BBS5: variants seen among roughly 807,000 people sequenced by gnomAD.
The protein encoded by BBS5 is Bardet-Biedl syndrome 5, also known as BBSome complex member BBS5.
In BBS5, 39 loss-of-function variants were observed where a neutral mutation model predicts 50.2. That is an observed-to-expected ratio of 0.78 (90% CI 0.60 to 1.01). The LOEUF (loss-of-function observed/expected upper bound fraction) is 1.01. Ranked by LOEUF, BBS5 falls within the 50% of genes least tolerant of loss-of-function variation. The probability of loss-of-function intolerance (pLI) is 0.00; values close to 1 mark genes in which losing one functional copy is unlikely to be tolerated. For missense variants in BBS5, 356 were observed against 401.5 expected (o/e 0.89, Z 0.97); for synonymous variants, 134 against 133.1 (o/e 1.01, Z -0.05).
chr2:169,491,584 T>A (rs1574338927), intron 5 of BBS5, among the ~76,000 whole-genome samples: 1 of 152,348 alleles, frequency 6.6e-6, no homozygotes, highest in East Asian at 1.9e-4. Flanking sequence ...TTCTGTATTA[T>A]CAATAGACAT....
At chr2:169,487,216 G>A in intron 3 of BBS5, 82 bp downstream of exon 3, 7 of 893,802 alleles carry the variant, frequency 7.8e-6, no homozygotes, top group Non-Finnish European at 5.6e-6. Flanking sequence ...TACCAAAGAA[G>A]TATGTAGAAA....
intron 8 of BBS5, among the ~76,000 whole-genome samples, chr2:169,498,691 G>T (rs556295440): frequency 6.6e-6 from 1 of 151,956 alleles, no homozygotes; most frequent in South Asian, 2.1e-4. Flanking sequence ...TGTAGTCCCA[G>T]CTACTCCGGA....
rs1683877506 is a variant in BBS5 at position 169,504,926 on chromosome 2, T to C, written c.*344T>C. 2.5e-6 allele frequency: 4 copies of C among 1,613,486 alleles called. No homozygotes were observed. The highest frequency in any genetic ancestry group is 3.4e-6 in the Non-Finnish European group (4 of 1,179,920). On this transcript the variant is annotated 3_prime_UTR_variant, in exon 12 of 12. Transcript: ENST00000295240. ...AGCCAATGGGGACGTTGCGGCCCAG[T>C]GGGTGGAGGTCCAAAGAGGACTGGT...
chr2:169,505,377 C>T lies in BBS5; in HGVS notation c.*795C>T, dbSNP rs1300102750. On this transcript the variant is annotated 3_prime_UTR_variant, in exon 12 of 12. Coordinates refer to ENST00000295240, the MANE Select transcript of BBS5 (RefSeq NM_152384.3). ...AGTGCAGCCTCTGCCCGGCCGCCACCCCGTCTGGGAAGTGAGGAGCGTCTC... is the reference window on the plus strand; with the variant it reads ...AGTGCAGCCTCTGCCCGGCCGCCACTCCGTCTGGGAAGTGAGGAGCGTCTC... The T allele has an allele frequency of 1.4e-5, 5 of 349,416 alleles. No individual in the cohort carries two copies. The highest frequency in any genetic ancestry group is 2.8e-5 in the Non-Finnish European group (5 of 181,320). 21.6% of individuals were successfully genotyped at this position (349,416 alleles called of 1,614,324 possible).
At chr2:169,480,576 G>A (rs1279498057) in intron 1 of BBS5, among the ~76,000 whole-genome samples, 2 of 149,612 alleles carry the variant, frequency 1.3e-5, no homozygotes, top group Non-Finnish European at 3.0e-5. Context: ...ATGCTAACAT[G>A]TTAGACCCTT....
intron 7 of BBS5, 152 bp from the exon 8 acceptor site, chr2:169,497,475 G>C: frequency 1.8e-6 from 1 of 556,478 alleles, no homozygotes; most frequent in Non-Finnish European, 3.3e-6. Flanking sequence ...TCTTTTACTT[G>C]ATCTCTGTGG....
chr2:169,496,862 C>A (rs1158156236), intron 7 of BBS5, among the ~76,000 whole-genome samples: 1 of 151,594 alleles, frequency 6.6e-6, no homozygotes, highest in Non-Finnish European at 1.5e-5. Context: ...GAGCGAGACT[C>A]CGTCTCAAAA....
chr2:169,492,948 T>C lies in BBS5; in HGVS notation c.461T>C (p.Leu154Pro). 3.7e-6 allele frequency: 6 copies of C among 1,613,020 alleles called. No homozygotes were observed. The highest frequency in any genetic ancestry group is 5.1e-6 in the Non-Finnish European group (6 of 1,179,136). ...SALIQNKQLR[L>P]LPQEHVYDKI... ...CTAATTCAGAACAAGCAACTAAGAC[T>C]GTTGCCACAAGAACATGTATATGAT... is the stretch of plus-strand genomic sequence containing the variant. Residue 154 changes from leucine to proline, a missense_variant, in exon 6 of 12, where the codon CTG (leucine) becomes CCG (proline). Leu to Pro is a moderately conservative substitution (Grantham distance 98, BLOSUM62 -3). Transcript: ENST00000295240.
At chr2:169,482,420 T>G (rs550228111) in intron 2 of BBS5, 87 bp downstream of exon 2, 6 of 904,776 alleles carry the variant, frequency 6.6e-6, no homozygotes, top group Non-Finnish European at 1.1e-5. Flanking sequence ...TGAAACAGCA[T>G]CATTTGTCAG....
Position 169,505,529 on chromosome 2 carries a change from C to T in BBS5, c.*947C>T. 1 of 279,976 alleles carries T rather than the reference C, an allele frequency of 3.6e-6. No individual in the cohort carries two copies. Among genetic ancestry groups the T allele is most frequent in the Non-Finnish European group, 7.0e-6 (1 of 142,796 alleles). 17.3% of individuals were successfully genotyped at this position (279,976 alleles called of 1,614,324 possible). A position where few individuals can be genotyped will look rare whatever the true frequency, so the allele number is the denominator to read the frequency against. ...AGTGAGGAGCGCCTCTTCCCACCCG[C>T]CATCCCATCTAGGAAGTGAGGAGCT... is the stretch of plus-strand genomic sequence containing the variant. On this transcript the variant is annotated 3_prime_UTR_variant, in exon 12 of 12. Coordinates refer to ENST00000295240, the MANE Select transcript of BBS5 (RefSeq NM_152384.3).
rs553179058 is a variant in BBS5 at position 169,493,903 on chromosome 2, T to C, written c.618+67T>C. 4.2e-5 allele frequency: 46 copies of C among 1,107,572 alleles called. No homozygotes were observed. The East Asian group carries it at 1.2e-3, about 28-fold the overall frequency. 68.6% of individuals were successfully genotyped at this position (1,107,572 alleles called of 1,614,324 possible). ...AAATATTTTTTGTTCAATAGTTAATTGGACTTTTAGATGAGTTCTTTCTCC... is the reference window on the plus strand; with the variant it reads ...AAATATTTTTTGTTCAATAGTTAATCGGACTTTTAGATGAGTTCTTTCTCC... On this transcript the variant is annotated intron_variant, in intron 7 of 11. Transcript: ENST00000295240.
At chr2:169,495,416 G>A (rs1026732791) in intron 7 of BBS5, among the ~76,000 whole-genome samples, 1 of 152,188 alleles carries the variant, frequency 6.6e-6, no homozygotes, top group African/African-American at 2.4e-5. Flanking sequence ...GAATAGAGTT[G>A]TCAAATATGG....
chr2:169,480,649 T>G (rs1472626341), intron 1 of BBS5, among the ~76,000 whole-genome samples: 2 of 150,630 alleles, frequency 1.3e-5, no homozygotes, highest in East Asian at 3.9e-4. Context: ...TTGCGCACTT[T>G]CTATGACATT....
At chr2:169,494,339 C>G (rs886489232) in intron 7 of BBS5, among the ~76,000 whole-genome samples, 2 of 152,130 alleles carry the variant, frequency 1.3e-5, no homozygotes, top group African/African-American at 4.8e-5. Flanking sequence ...GAATGTAATA[C>G]AAGCTGGATT....
chr2:169,491,454 G>A (rs1213923892), intron 5 of BBS5, among the ~76,000 whole-genome samples: 1 of 152,162 alleles, frequency 6.6e-6, no homozygotes, highest in Non-Finnish European at 1.5e-5. Context: ...AAAATTAGAA[G>A]TTCAACAATG....
chr2:169,492,544 G>A, intron 5 of BBS5, among the ~76,000 whole-genome samples: 1 of 150,758 alleles, frequency 6.6e-6, no homozygotes. Context: ...ACACTAAAAT[G>A]ACAAATTCTA....
intron 2 of BBS5, among the ~76,000 whole-genome samples, chr2:169,482,997 A>G (rs1683427392): frequency 1.3e-5 from 2 of 152,206 alleles, no homozygotes; most frequent in South Asian, 4.1e-4. Context: ...AAAAAAAAAT[A>G]GATGTGGAAT....
At chr2:169,496,547 A>G (rs1400785227) in intron 7 of BBS5, among the ~76,000 whole-genome samples, 2 of 151,846 alleles carry the variant, frequency 1.3e-5, no homozygotes, top group Non-Finnish European at 2.9e-5. Context: ...CATCCTGACT[A>G]ACACAGTGAA....
At position 169,487,923 on chromosome 2, in the gene BBS5, G is replaced by C. The variant is rs1315776334; in HGVS notation, c.259-64G>C. 5 of 1,597,978 alleles carry C rather than the reference G, an allele frequency of 3.1e-6. No homozygotes were observed. The African/African-American group carries it at 6.7e-5, about 22-fold the overall frequency. On this transcript the variant is annotated intron_variant, in intron 4 of 11. Transcript: ENST00000295240. ...AACTAGATATTTGAGATTGATGTTT[G>C]TTTTCACTATAAAGGAGAAATTGCT...
Sources: gnomAD v4.1 joint callset for allele counts (sites outside exome capture counted in the v4.1 genomes callset) on GRCh38, gnomAD v4.1.1 for gene constraint, MANE v1.5 for transcripts, NCBI Gene and HGNC (gene_info 2026-07-23, HGNC 2026-07-21) for gene names.